VPS53: variants seen among roughly 807,000 people sequenced by gnomAD.
The protein encoded by VPS53 is vacuolar protein sorting-associated protein 53 homolog.
VPS53 carries 70 observed loss-of-function variants against 107.0 expected under a neutral mutation model. The observed-to-expected ratio is 0.65, with a 90% CI of 0.54 to 0.80. The LOEUF (loss-of-function observed/expected upper bound fraction) is 0.80. Among genes scored for constraint, VPS53 ranks in the 30% least tolerant of loss-of-function variants. The pLI is 0.00. For missense variants in VPS53, 917 were observed against 1,049.4 expected, an observed-to-expected ratio of 0.87 and a Z score of 1.74; for synonymous variants, 409 against 393.3, an observed-to-expected ratio of 1.04 and a Z score of -0.47.
chr17:570,372 C>CAA (rs57449097), intron 13 of VPS53, among the ~76,000 whole-genome samples: 42 of 90,404 alleles, frequency 4.6e-4, no homozygotes, highest in East Asian at 7.2e-4. Flanking sequence ...GACTCTGTCT[C>CAA]AAAAAAAAAA....
intron 13 of VPS53, among the ~76,000 whole-genome samples, chr17:569,984 G>A (rs761329500): frequency 6.6e-6 from 1 of 151,750 alleles, no homozygotes; most frequent in Non-Finnish European, 1.5e-5. Flanking sequence ...ATGAGGAAAA[G>A]GATATTGATA....
chr17:677,378 A>G (rs1972211089), intron 4 of VPS53, among the ~76,000 whole-genome samples: 1 of 152,262 alleles, frequency 6.6e-6, no homozygotes, highest in Admixed American at 6.5e-5. Flanking sequence ...TTCCACTTAT[A>G]TTAATATAAA....
chr17:713,432 A>C (rs571984474), intron 1 of VPS53, among the ~76,000 whole-genome samples: 1,994 of 146,662 alleles, frequency 0.014, 37 homozygotes, highest in African/African-American at 0.047. Context: ...GCGGGCGGAT[A>C]GCCTGAGGTC....
intron 17 of VPS53, among the ~76,000 whole-genome samples, chr17:545,706 T>G (rs1328300635): frequency 6.6e-6 from 1 of 152,224 alleles, no homozygotes; most frequent in African/African-American, 2.4e-5. Context: ...TACTGTGCCA[T>G]GCCACGGGTT....
At position 521,612 on chromosome 17, in the gene VPS53, T is replaced by C. The variant is rs1298616146; in HGVS notation, c.2212A>G (p.Met738Val). The change falls in exon 20 of 22, where the codon ATG becomes GTG. Residue 738 changes from methionine (M) to valine (V), a missense_variant. Met to Val is a conservative substitution (Grantham distance 21, BLOSUM62 1). Coordinates refer to ENST00000437048, the MANE Select transcript of VPS53 (RefSeq NM_001128159.3). ...IVVKGMTRAE[M>V]ILKVVMAPHE... ...ACACAAGCCATCACCTTGAGGATCA[T>C]CTCAGCCCGGGTCATGCCTTTGACA... 6.5e-7 allele frequency: 1 copy of C among 1,547,704 alleles called. No individual in the cohort carries two copies.
At chr17:659,240 G>C (rs1249773577) in intron 5 of VPS53, among the ~76,000 whole-genome samples, 2 of 152,008 alleles carry the variant, frequency 1.3e-5, no homozygotes, top group Non-Finnish European at 2.9e-5. Context: ...ATCTCTTCCA[G>C]CGTTTTTAGC....
chr17:603,233 G>C (rs986726497), intron 11 of VPS53, among the ~76,000 whole-genome samples: 2 of 152,102 alleles, frequency 1.3e-5, no homozygotes, highest in African/African-American at 4.8e-5. Flanking sequence ...AGACCAGCCT[G>C]AACAACATGG....
rs77353677 is a variant in VPS53, at chr17:663,071, C to T, written c.286-1176G>A. ...AAAAAAAGTTAGCCAGGCATGGTGG[C>T]GCACACCAGTAGTCTCAGCTACTTG... On this transcript the variant is annotated intron_variant, in intron 4 of 21. Coordinates refer to ENST00000437048, the MANE Select transcript of VPS53 (RefSeq NM_001128159.3). 1.8e-3 allele frequency among the ~76,000 whole-genome samples: 273 copies of T among 151,992 alleles called. 8 individuals carry two copies. The East Asian group carries it at 0.046, about 26-fold the overall frequency.
At chr17:713,286 A>G (rs969867101) in intron 1 of VPS53, among the ~76,000 whole-genome samples, 2 of 152,168 alleles carry the variant, frequency 1.3e-5, no homozygotes, top group Admixed American at 1.3e-4. Flanking sequence ...TTCTTAAATC[A>G]TATAACTTCA....
chr17:663,138 G>C (rs1057360780), intron 4 of VPS53, among the ~76,000 whole-genome samples: 3 of 152,108 alleles, frequency 2.0e-5, no homozygotes, highest in Admixed American at 6.5e-5. Context: ...GGGAGGTCAA[G>C]GCTGCAGTGA....
chr17:516,239 C>A lies in VPS53; in HGVS notation c.*2889G>T, dbSNP rs1389227319. 6.6e-6 allele frequency: 1 copy of A among 152,066 alleles called. No homozygotes were observed. Among genetic ancestry groups the A allele is most frequent in the Non-Finnish European group, 1.5e-5 (1 of 68,034 alleles). The allele number at this position is 152,066 out of a possible 1,614,324, so 9.4% of individuals were successfully genotyped here. The stretch of plus-strand genomic sequence containing the variant: ...TGTATGAAAATGCGTGGCAGGAGCC[C>A]TTCCATAAAGCAAATCTCTCTGTTG... On this transcript the variant is annotated 3_prime_UTR_variant, in exon 22 of 22. Coordinates refer to ENST00000437048, the MANE Select transcript of VPS53 (RefSeq NM_001128159.3).
In VPS53 at chr17:662,416, A is replaced by G. The variant is rs137998563; in HGVS notation, c.286-521T>C. On this transcript the variant is annotated intron_variant, in intron 4 of 21. Coordinates refer to ENST00000437048, the MANE Select transcript of VPS53 (RefSeq NM_001128159.3). ...CTTAGAAAGGAACACTGGGCCGGAC[A>G]CAGTGGCTCACGCCTGTAATCCCAG... Among the ~76,000 whole-genome samples, 237 of 152,370 alleles carry G rather than the reference A, an allele frequency of 1.6e-3. 6 individuals carry two copies. In the East Asian group the frequency reaches 0.036, roughly 23 times the overall value.
chr17:624,000 C>G lies in VPS53; in HGVS notation c.975-326G>C, dbSNP rs148420172. On this transcript the variant is annotated intron_variant, in intron 10 of 21. Coordinates refer to ENST00000437048, the MANE Select transcript of VPS53 (RefSeq NM_001128159.3). ...GTCGCCCAGGCTGGAACCTCCACCT[C>G]CTGGGTTCAAATGATTCTTTTTTTT... is the stretch of plus-strand genomic sequence containing the variant. 5.1e-3 allele frequency among the ~76,000 whole-genome samples: 778 copies of G among 151,256 alleles called. 4 individuals carry two copies. Among genetic ancestry groups the G allele is most frequent in the African/African-American group, 0.018 (741 of 41,300 alleles).
chr17:557,849 G>C (rs1220603076), intron 15 of VPS53, among the ~76,000 whole-genome samples: 1 of 150,558 alleles, frequency 6.6e-6, no homozygotes, highest in African/African-American at 2.4e-5. Context: ...TCTTTGTAAG[G>C]ATTATCTTTT....
intron 7 of VPS53, among the ~76,000 whole-genome samples, chr17:647,516 G>A (rs1970758209): frequency 6.6e-6 from 1 of 152,216 alleles, no homozygotes; most frequent in Admixed American, 6.5e-5. Context: ...AGGGGTAGAA[G>A]GGACTGCCTT....
intron 4 of VPS53, among the ~76,000 whole-genome samples, chr17:672,175 A>ATCTCTCCCTC (rs1555578547): frequency 2.8e-5 from 3 of 107,068 alleles, no homozygotes; most frequent in Non-Finnish European, 3.9e-5. Context: ...CACAATCTCA[A>ATCTCTCCCTC]TCTCTCTCTC....
intron 4 of VPS53, among the ~76,000 whole-genome samples, chr17:682,097 T>A (rs1972413874): frequency 6.6e-6 from 1 of 152,236 alleles, no homozygotes; most frequent in Non-Finnish European, 1.5e-5. Flanking sequence ...CATTTCTTAG[T>A]CTATTCAGCT....
chr17:633,756 G>A (rs1970063251), intron 7 of VPS53, among the ~76,000 whole-genome samples: 1 of 152,172 alleles, frequency 6.6e-6, no homozygotes, highest in Non-Finnish European at 1.5e-5. Context: ...AGGGCCATAC[G>A]TCTAGAGCTG....
At chr17:522,215 AC>A in intron 19 of VPS53, among the ~76,000 whole-genome samples, 1 of 152,306 alleles carries the variant, frequency 6.6e-6, no homozygotes, top group South Asian at 2.1e-4. Context: ...AGATTGTGCC[AC>A]TGTAACTCTC....
Sources: allele counts gnomAD v4.1 joint callset (sites outside exome capture counted in the v4.1 genomes callset), GRCh38; gene constraint gnomAD v4.1.1; transcripts MANE v1.5; gene names NCBI Gene and HGNC (gene_info 2026-07-23, HGNC 2026-07-21).